Variants in PRKD3 observed in about 807,000 individuals in gnomAD.
PRKD3 encodes the protein serine/threonine-protein kinase D3.
PRKD3 carries 47 observed loss-of-function variants against 99.2 expected under a neutral mutation model. The ratio of observed to expected loss-of-function variants is 0.47; its 90% CI spans 0.38 to 0.60. The LOEUF is 0.60. PRKD3 is among the 20% of genes least tolerant of loss of function. The pLI, the probability that PRKD3 is intolerant of heterozygous loss-of-function variation, is 0.00. For synonymous variants in PRKD3, 392 were observed against 355.4 expected (o/e 1.10, Z -1.16); for missense variants, 1,019 against 1,088.4 (o/e 0.94, Z 0.90).
chr2:37,302,702 T>C (rs1670989088), intron 2 of PRKD3, among the ~76,000 whole-genome samples: 1 of 152,140 alleles, frequency 6.6e-6, no homozygotes, highest in Non-Finnish European at 1.5e-5. Flanking sequence ...TCTGAATGAA[T>C]AATTTATCAC....
At chr2:37,262,041 G>T (rs1222161079) in intron 14 of PRKD3, among the ~76,000 whole-genome samples, 1 of 152,288 alleles carries the variant, frequency 6.6e-6, no homozygotes, top group South Asian at 2.1e-4. Flanking sequence ...GCTACACGGG[G>T]CTAAGTTGTG....
intron 8 of PRKD3, chr2:37,278,223 AC>A: frequency 8.0e-6 from 2 of 249,990 alleles, no homozygotes; most frequent in South Asian, 7.0e-5. Context: ...CTGGAGGGCC[AC>A]AAAAAAAAAA....
rs1369904075 is a variant in PRKD3, at chr2:37,324,766, G to C, written c.-741C>G. ...GCGCCAGCGAGGCTTCACGCGCCTC[G>C]CAGGATCCCGCCCGCCTCCGGCGCC... On this transcript the variant is annotated 5_prime_UTR_variant, in exon 1 of 19. Coordinates refer to ENST00000234179, the MANE Select transcript of PRKD3 (RefSeq NM_005813.6). 1 of 151,074 alleles carries C rather than the reference G, an allele frequency of 6.6e-6. No individual in the cohort carries two copies. The highest frequency in any genetic ancestry group is 2.4e-5 in the African/African-American group (1 of 41,292). The allele number at this position is 151,074 out of a possible 1,614,324, so 9.4% of individuals were successfully genotyped here. A position where few individuals can be genotyped will look rare whatever the true frequency, so the allele number is the denominator to read the frequency against.
chr2:37,298,215 G>A (rs1209392817), intron 2 of PRKD3, among the ~76,000 whole-genome samples: 2 of 152,128 alleles, frequency 1.3e-5, no homozygotes, highest in Non-Finnish European at 1.5e-5. Context: ...CCATGCCCTA[G>A]CTGCCTCATT....
intron 18 of PRKD3, among the ~76,000 whole-genome samples, 171 bp downstream of exon 18, chr2:37,254,033 A>G (rs78268631): frequency 0.022 from 3,383 of 152,312 alleles, 55 homozygotes; most frequent in Middle Eastern, 0.034. Flanking sequence ...ATTGCCTGTC[A>G]TTACCGATCT....
intron 6 of PRKD3, among the ~76,000 whole-genome samples, chr2:37,283,847 G>C (rs1321042403): frequency 6.6e-6 from 1 of 150,846 alleles, no homozygotes; most frequent in African/African-American, 2.4e-5. Context: ...AAATAAGCTG[G>C]GTGTGGCAGC....
chr2:37,306,073 T>A (rs914078570), intron 2 of PRKD3, among the ~76,000 whole-genome samples: 6 of 151,552 alleles, frequency 4.0e-5, no homozygotes, highest in African/African-American at 1.5e-4. Flanking sequence ...GATTCTTTTT[T>A]TTTTTTTTTT....
rs1671203303 is a variant in PRKD3 at position 37,307,140 on chromosome 2, C to T, written c.288+9097G>A. On this transcript the variant is annotated intron_variant, in intron 2 of 18. Coordinates refer to ENST00000234179, the MANE Select transcript of PRKD3 (RefSeq NM_005813.6). The stretch of plus-strand genomic sequence containing the variant: ...CCTGCTCCAGTTGTGCATCCAAAAA[C>T]GTCTCCAGACATTGCCAAATGTTCC... Among the ~76,000 whole-genome samples, 4 of 152,300 alleles carry T rather than the reference C, an allele frequency of 2.6e-5. No individual in the cohort carries two copies. The South Asian group carries it at 8.3e-4, about 32-fold the overall frequency.
intron 14 of PRKD3, 79 bp from the exon 15 acceptor site, chr2:37,260,463 C>A: frequency 7.7e-7 from 1 of 1,293,026 alleles, no homozygotes; most frequent in South Asian, 1.3e-5. Flanking sequence ...CTATGATTGT[C>A]TGAAATGGCA....
At chr2:37,262,940 ATTC>A (rs905375983) in intron 14 of PRKD3, among the ~76,000 whole-genome samples, 3 of 143,510 alleles carry the variant, frequency 2.1e-5, no homozygotes, top group Admixed American at 6.9e-5. Context: ...CATTTTGTAT[ATTC>A]TTCTTTGCTT....
chr2:37,290,959 AGT>A lies in PRKD3; in HGVS notation c.466_467del (p.Thr156SerfsTer13). On this transcript the variant is annotated frameshift_variant, in exon 4 of 19. Transcript: ENST00000234179. LOFTEE classifies it high-confidence loss of function. The stretch of plus-strand genomic sequence containing the variant: ...GAGCTTTGTAAGAATGTACATAGAG[AGT>A]ATGTGGACGAATCTGGAAGTCTTCT... Reference protein sequence around the residue: ...TVEDFQIRPHTLYVHSYKAPT... With the variant: ...TVEDFQIRPHXLYVHSYKAPT... 6.2e-7 allele frequency: 1 copy of A among 1,608,024 alleles called. No individual in the cohort carries two copies. The highest frequency in any genetic ancestry group is 8.5e-7 in the Non-Finnish European group (1 of 1,174,752).
intron 2 of PRKD3, among the ~76,000 whole-genome samples, chr2:37,311,812 C>T (rs1278148472): frequency 6.6e-6 from 1 of 152,126 alleles, no homozygotes; most frequent in Non-Finnish European, 1.5e-5. Context: ...GACTGTGGCT[C>T]TCATTAGAAT....
chr2:37,253,381 CAAAA>C (rs1249247765), intron 18 of PRKD3, 31 bp from the exon 19 acceptor site: 2 of 1,549,662 alleles, frequency 1.3e-6, no homozygotes, highest in African/African-American at 1.4e-5. Flanking sequence ...AATGATGAAA[CAAAA>C]GAAACAAAAT....
At chr2:37,267,108 A>C (rs564562268) in intron 14 of PRKD3, among the ~76,000 whole-genome samples, 1 of 152,236 alleles carries the variant, frequency 6.6e-6, no homozygotes, top group Admixed American at 6.5e-5. Flanking sequence ...TTACTTGCAC[A>C]GTAATTGCTA....
chr2:37,323,871 GAC>G (rs1262488794), intron 1 of PRKD3, among the ~76,000 whole-genome samples: 2 of 152,278 alleles, frequency 1.3e-5, no homozygotes, highest in East Asian at 1.9e-4. Context: ...TGTGATTGAA[GAC>G]ACAGTTACGT....
chr2:37,291,186 C>G (rs1003605783), intron 3 of PRKD3, among the ~76,000 whole-genome samples, 187 bp from the exon 4 acceptor site: 1 of 152,134 alleles, frequency 6.6e-6, no homozygotes, highest in Non-Finnish European at 1.5e-5. Flanking sequence ...ATTTACTTCT[C>G]ATCATTTGAG....
At chr2:37,289,131 G>T (rs1023846598) in intron 5 of PRKD3, among the ~76,000 whole-genome samples, 4 of 149,830 alleles carry the variant, frequency 2.7e-5, no homozygotes, top group African/African-American at 9.8e-5. Flanking sequence ...ATACTGACTA[G>T]AAGGCTAAAG....
chr2:37,320,144 C>G (rs1211338179), intron 1 of PRKD3, among the ~76,000 whole-genome samples: 2 of 152,166 alleles, frequency 1.3e-5, no homozygotes, highest in African/African-American at 4.8e-5. Context: ...AGGTTTAACT[C>G]TATTTTCCAG....
intron 2 of PRKD3, among the ~76,000 whole-genome samples, chr2:37,300,435 G>GA (rs2124867662): frequency 6.6e-6 from 1 of 152,212 alleles, no homozygotes; most frequent in African/African-American, 2.4e-5. Context: ...CAGTTAGATA[G>GA]AAAAAATAAG....
Sources: gnomAD v4.1 joint callset for allele counts (sites outside exome capture counted in the v4.1 genomes callset) on GRCh38, gnomAD v4.1.1 for gene constraint, MANE v1.5 for transcripts, NCBI Gene and HGNC (gene_info 2026-07-23, HGNC 2026-07-21) for gene names.